Variants in SLC71A1 observed in about 807,000 individuals in gnomAD.
SLC71A1 encodes solute carrier family 71 member 1.
chr1:100,080,683 A>C, the SLC71A1 span: 1 of 1,602,042 alleles, frequency 6.2e-7, no homozygotes, highest in Non-Finnish European at 8.5e-7. Context: ...AACATGATCA[A>C]ATTGTATGGT....
At chr1:100,069,087 G>T in the SLC71A1 span, among the ~76,000 whole-genome samples, 12 of 152,244 alleles carry the variant, frequency 7.9e-5, 1 homozygote, top group Admixed American at 3.3e-4. Context: ...TCTAATGGGG[G>T]TTATTTGGTA....
the SLC71A1 span, chr1:100,082,422 A>C: frequency 5.4e-6 from 3 of 555,772 alleles, no homozygotes; most frequent in African/African-American, 5.7e-5. Flanking sequence ...CCTTTTGTTT[A>C]TTAGCACCAA....
chr1:100,046,273 C>G, the SLC71A1 span, among the ~76,000 whole-genome samples: 1 of 114,886 alleles, frequency 8.7e-6, no homozygotes, highest in Non-Finnish European at 1.6e-5. Flanking sequence ...GTCGCCTAGG[C>G]TGGAGTGCAG....
the SLC71A1 span, chr1:100,083,082 A>G: frequency 6.6e-6 from 1 of 152,564 alleles, no homozygotes; most frequent in Non-Finnish European, 1.5e-5. Context: ...CTTTATTTAC[A>G]GAGCTAATGT....
chr1:100,040,045 A>G, the SLC71A1 span, among the ~76,000 whole-genome samples: 2 of 152,208 alleles, frequency 1.3e-5, no homozygotes. Flanking sequence ...GAACAAATGA[A>G]GACTTTTCTT....
the SLC71A1 span, among the ~76,000 whole-genome samples, chr1:100,069,030 A>G: frequency 2.0e-5 from 3 of 152,150 alleles, no homozygotes; most frequent in African/African-American, 7.2e-5. Context: ...TATTTGGTCT[A>G]CTAGACTTTA....
At chr1:100,073,960 A>T in the SLC71A1 span, among the ~76,000 whole-genome samples, 1 of 152,348 alleles carries the variant, frequency 6.6e-6, no homozygotes, top group Admixed American at 6.5e-5. Flanking sequence ...ATTATTGAGA[A>T]TATTATAACA....
the SLC71A1 span, among the ~76,000 whole-genome samples, chr1:100,056,078 T>C: frequency 6.6e-6 from 1 of 152,192 alleles, no homozygotes; most frequent in Non-Finnish European, 1.5e-5. Context: ...AAATGTAGAA[T>C]AAATGTTGGC....
the SLC71A1 span, among the ~76,000 whole-genome samples, chr1:100,076,634 G>A: frequency 6.6e-6 from 1 of 152,234 alleles, no homozygotes; most frequent in African/African-American, 2.4e-5. Context: ...TATGATCCAG[G>A]CTGTTTTTCT....
At chr1:100,060,048 G>C in the SLC71A1 span, 3 of 1,520,232 alleles carry the variant, frequency 2.0e-6, no homozygotes, top group African/African-American at 4.2e-5. Context: ...ATCACTTTCA[G>C]CTATTGTTTT....
chr1:100,069,975 C>A, the SLC71A1 span, among the ~76,000 whole-genome samples: 1 of 152,202 alleles, frequency 6.6e-6, no homozygotes, highest in African/African-American at 2.4e-5. Flanking sequence ...TATTTATTCA[C>A]TCATTCAACA....
At chr1:100,046,212 G>GTT in the SLC71A1 span, among the ~76,000 whole-genome samples, 5,779 of 54,044 alleles carry the variant, frequency 0.11, 2,359 homozygotes, top group East Asian at 0.2. Flanking sequence ...TCCAAGCCTC[G>GTT]TTTTTTTTTT....
At chr1:100,076,263 C>T in the SLC71A1 span, among the ~76,000 whole-genome samples, 1 of 152,078 alleles carries the variant, frequency 6.6e-6, no homozygotes. Flanking sequence ...AGTGTCAGCC[C>T]ATCATAAAAT....
At chr1:100,075,180 A>G in the SLC71A1 span, among the ~76,000 whole-genome samples, 6 of 152,244 alleles carry the variant, frequency 3.9e-5, no homozygotes, top group African/African-American at 1.4e-4. Context: ...CACGTGCTCC[A>G]GGGTACATGG....
At chr1:100,048,676 C>T in the SLC71A1 span, among the ~76,000 whole-genome samples, 4 of 152,084 alleles carry the variant, frequency 2.6e-5, no homozygotes, top group Non-Finnish European at 5.9e-5. Flanking sequence ...TTTCCTGTGC[C>T]TCCTACTTAA....
the SLC71A1 span, among the ~76,000 whole-genome samples, chr1:100,066,945 C>T: frequency 1.4e-5 from 2 of 143,928 alleles, no homozygotes; most frequent in South Asian, 2.3e-4. Context: ...GCCGAGATCG[C>T]GCCACTGCAC....
chr1:100,041,691 G>C, the SLC71A1 span, among the ~76,000 whole-genome samples: 2 of 152,168 alleles, frequency 1.3e-5, no homozygotes, highest in Non-Finnish European at 2.9e-5. Context: ...TGGGAGGCCA[G>C]TGTGGGCAGA....
chr1:100,072,652 T>A, the SLC71A1 span, among the ~76,000 whole-genome samples: 1 of 152,142 alleles, frequency 6.6e-6, no homozygotes, highest in Non-Finnish European at 1.5e-5. Context: ...AAATTATAGT[T>A]ATGTAGCTTC....
At chr1:100,049,865 C>T in the SLC71A1 span, 3 of 943,224 alleles carry the variant, frequency 3.2e-6, no homozygotes, top group Non-Finnish European at 5.0e-6. Context: ...ATAGAATGTA[C>T]TGTTAACTTT....
Sources: gnomAD v4.1 joint callset for allele counts (sites outside exome capture counted in the v4.1 genomes callset) on GRCh38, gnomAD v4.1.1 for gene constraint, MANE v1.5 for transcripts, NCBI Gene and HGNC (gene_info 2026-07-23, HGNC 2026-07-21) for gene names.